Variants in NEAT1 observed in about 807,000 individuals in gnomAD.
The protein encoded by NEAT1 is MENepsilon/beta.
At chr11:65,424,415 A>G (rs906288920) in exon 1 of NEAT1, 3 of 152,142 alleles carry the variant, frequency 2.0e-5, no homozygotes, top group Admixed American at 6.5e-5. Context: ...AGAACATTTT[A>G]ACGTTGATGC....
In NEAT1 at chr11:65,432,668, A is replaced by ATGTGTGTGTG. The variant is rs199736841; in HGVS notation, n.9879_9888dup. On this transcript the variant is annotated non_coding_transcript_exon_variant, in exon 1 of 1. Transcript: ENST00000501122. Reference sequence around the variant, plus strand: ...TCTTATAATTTTCTTTTTTTTCTTTATGTGTGTGTGTGTGTGTATTTTTTT... The same window carrying ATGTGTGTGTG: ...TCTTATAATTTTCTTTTTTTTCTTTATGTGTGTGTGTGTGTGTGTGTGTGTGTATTTTTTT... 216 of 144,966 alleles carry ATGTGTGTGTG rather than the reference A, an allele frequency of 1.5e-3. 1 individual carries two copies. The highest frequency in any genetic ancestry group is 5.4e-3 in the African/African-American group (210 of 39,204). The allele number at this position is 144,966 out of a possible 1,614,324, so 9.0% of individuals were successfully genotyped here.
At chr11:65,442,593 A>G (rs1290788251) in exon 1 of NEAT1, 3 of 152,116 alleles carry the variant, frequency 2.0e-5, no homozygotes, top group Non-Finnish European at 4.4e-5. Flanking sequence ...TTAAGAAAAG[A>G]CTTTATCAGA....
exon 1 of NEAT1, chr11:65,438,916 A>G (rs560453261): frequency 6.6e-6 from 1 of 152,306 alleles, no homozygotes; most frequent in South Asian, 2.1e-4. Context: ...TAGGAGTAGA[A>G]TTACTGGGTC....
At chr11:65,443,191 C>T (rs2134909530) in exon 1 of NEAT1, 1 of 152,362 alleles carries the variant, frequency 6.6e-6, no homozygotes. Context: ...CCTGGGGTCT[C>T]TCCGCTTCCC....
chr11:65,445,392 G>A (rs1185577815), exon 1 of NEAT1: 2 of 148,316 alleles, frequency 1.3e-5, no homozygotes, highest in African/African-American at 2.5e-5. Flanking sequence ...TACAAGGGAA[G>A]TAAGGAAGGT....
exon 1 of NEAT1, chr11:65,444,385 A>AAGAG (rs1161995711): frequency 2.2e-6 from 1 of 459,258 alleles, no homozygotes; most frequent in Non-Finnish European, 4.5e-6. Flanking sequence ...GGATGAGTAG[A>AAGAG]AGGCACCCAG....
At chr11:65,444,576 C>T (rs781134207) in exon 1 of NEAT1, 4 of 469,828 alleles carry the variant, frequency 8.5e-6, no homozygotes, top group African/African-American at 6.0e-5. Context: ...CAGCAGAGCT[C>T]GTGGGGGGCT....
At chr11:65,425,573 T>C (rs1461841052) in exon 1 of NEAT1, 1 of 152,198 alleles carries the variant, frequency 6.6e-6, no homozygotes, top group Non-Finnish European at 1.5e-5. Flanking sequence ...AAAAGCCTTG[T>C]AAATGCCTAT....
At chr11:65,441,766 T>A (rs1172697325) in exon 1 of NEAT1, 1 of 152,238 alleles carries the variant, frequency 6.6e-6, no homozygotes, top group Non-Finnish European at 1.5e-5. Context: ...GTTTCATTAA[T>A]CTTTTCCTCC....
exon 1 of NEAT1, chr11:65,439,577 T>C (rs1856695353): frequency 6.6e-6 from 1 of 151,756 alleles, no homozygotes; most frequent in Admixed American, 6.6e-5. Context: ...TACCAGCTTC[T>C]CAGGAGGCTG....
exon 1 of NEAT1, chr11:65,434,472 T>G (rs1856640248): frequency 6.6e-6 from 1 of 152,222 alleles, no homozygotes; most frequent in African/African-American, 2.4e-5. Flanking sequence ...TTTTTTTCAT[T>G]TAACAGTAGG....
chr11:65,430,370 CA>C (rs1278527449), exon 1 of NEAT1: 1 of 152,234 alleles, frequency 6.6e-6, no homozygotes, highest in Non-Finnish European at 1.5e-5. Context: ...TCTGTTTCTA[CA>C]CTTAATTTTG....
At chr11:65,428,426 A>G (rs1856582935) in exon 1 of NEAT1, 1 of 152,138 alleles carries the variant, frequency 6.6e-6, no homozygotes, top group Admixed American at 6.5e-5. Context: ...AGAGATTCCA[A>G]GGACCCTTAA....
At chr11:65,424,027 AT>A (rs770534262) in exon 1 of NEAT1, 2 of 152,378 alleles carry the variant, frequency 1.3e-5, no homozygotes, top group Non-Finnish European at 2.9e-5. Context: ...GAGTCCTAGC[AT>A]TGCAGGAGGG....
exon 1 of NEAT1, chr11:65,444,262 ACTGTGTGT>A: frequency 3.4e-6 from 1 of 295,106 alleles, no homozygotes; most frequent in South Asian, 2.5e-5. Context: ...TAGTCCTCAG[ACTGTGTGT>A]GTGTGTGTGT....
exon 1 of NEAT1, chr11:65,428,817 CATT>C (rs1326951921): frequency 5.3e-5 from 8 of 151,798 alleles, no homozygotes; most frequent in Non-Finnish European, 8.8e-5. Context: ...AATAATTCTT[CATT>C]GAGTTCTAAT....
exon 1 of NEAT1, chr11:65,433,208 TG>T (rs1194352544): frequency 2.0e-5 from 3 of 151,972 alleles, no homozygotes; most frequent in Non-Finnish European, 4.4e-5. Flanking sequence ...TACCCAGGAG[TG>T]GGATTGCTAG....
chr11:65,431,051 C>T (rs1019234961), exon 1 of NEAT1: 1 of 152,146 alleles, frequency 6.6e-6, no homozygotes, highest in African/African-American at 2.4e-5. Flanking sequence ...ACATTCCATT[C>T]CCTCCAGCCT....
exon 1 of NEAT1, chr11:65,425,267 C>A (rs1590670724): frequency 6.6e-6 from 1 of 152,156 alleles, no homozygotes. Context: ...GAAGTGTTAA[C>A]TGAAAACAGG....
Sources: gnomAD v4.1 joint callset for allele counts on GRCh38, gnomAD v4.1.1 for gene constraint, MANE v1.5 for transcripts, NCBI Gene and HGNC (gene_info 2026-07-23, HGNC 2026-07-21) for gene names.